The following ZCWPW2 variants were observed in gnomAD, a reference collection of about 807,000 sequenced individuals.
ZCWPW2 encodes zinc finger CW-type PWWP domain protein 2.
In ZCWPW2, 45 loss-of-function variants were observed where a neutral mutation model predicts 46.6. The ratio of observed to expected loss-of-function variants is 0.96; its 90% CI spans 0.76 to 1.24. The LOEUF is 1.24. Ranked by LOEUF, ZCWPW2 falls within the 50% of genes most tolerant of loss-of-function variation. The pLI is 0.00. For missense variants in ZCWPW2, 429 were observed against 403.9 expected, an observed-to-expected ratio of 1.06 and a Z score of -0.53; for synonymous variants, 152 against 137.1, an observed-to-expected ratio of 1.11 and a Z score of -0.76.
At chr3:28,475,601 T>C (rs977743604) in intron 4 of ZCWPW2, among the ~76,000 whole-genome samples, 6 of 152,186 alleles carry the variant, frequency 3.9e-5, no homozygotes, top group Admixed American at 2.6e-4. Flanking sequence ...GATGTGGCCC[T>C]TGTTAATTTT....
At chr3:28,512,411 C>G (rs1390246908) in intron 6 of ZCWPW2, among the ~76,000 whole-genome samples, 1 of 152,048 alleles carries the variant, frequency 6.6e-6, no homozygotes, top group Non-Finnish European at 1.5e-5. Flanking sequence ...TCTCAAATTC[C>G]TCACCTCTGA....
At chr3:28,361,044 GGGTCC>G (rs1559472884) in intron 1 of ZCWPW2, among the ~76,000 whole-genome samples, 3 of 152,010 alleles carry the variant, frequency 2.0e-5, no homozygotes, top group African/African-American at 7.3e-5. Context: ...GTTTAGGCTT[GGGTCC>G]CATCCTCAAG....
chr3:28,504,625 C>G (rs1404634498), intron 6 of ZCWPW2, among the ~76,000 whole-genome samples: 1 of 152,194 alleles, frequency 6.6e-6, no homozygotes, highest in Non-Finnish European at 1.5e-5. Context: ...CACATAGATT[C>G]TAGAAAGTCT....
rs963362 is a variant in ZCWPW2, at chr3:28,525,620, T to C, written c.*932T>C. On this transcript the variant is annotated 3_prime_UTR_variant, in exon 10 of 10. Transcript: ENST00000383768. ...CCACAGCGGTGAATTTTATTGTGAG[T>C]TGCCTCATATTGCTTTAACAAGGAG... 0.41 allele frequency among the ~76,000 whole-genome samples: 62,030 copies of C among 151,904 alleles called. 12,993 individuals are homozygous for C. Among genetic ancestry groups the C allele is most frequent in the East Asian group, 0.65 (3,337 of 5,146 alleles).
intron 1 of ZCWPW2, among the ~76,000 whole-genome samples, chr3:28,377,101 C>A (rs959537477): frequency 1.3e-5 from 2 of 150,630 alleles, no homozygotes; most frequent in African/African-American, 4.9e-5. Context: ...TTAGTGATTT[C>A]TTTAGAGACC....
At chr3:28,430,988 C>G (rs1455658621) in intron 3 of ZCWPW2, among the ~76,000 whole-genome samples, 1 of 152,126 alleles carries the variant, frequency 6.6e-6, no homozygotes, top group African/African-American at 2.4e-5. Flanking sequence ...TGAACTAATA[C>G]AAGTAATAAC....
At chr3:28,452,887 C>T (rs1350441822) in intron 4 of ZCWPW2, among the ~76,000 whole-genome samples, 6 of 152,068 alleles carry the variant, frequency 3.9e-5, no homozygotes, top group Non-Finnish European at 8.8e-5. Flanking sequence ...TAGAAAATTA[C>T]GTGATTTTAA....
At chr3:28,522,231 T>G (rs2125840086) in intron 9 of ZCWPW2, among the ~76,000 whole-genome samples, 1 of 152,300 alleles carries the variant, frequency 6.6e-6, no homozygotes, top group South Asian at 2.1e-4. Context: ...ACCTGCATGT[T>G]GTGCACATGT....
chr3:28,356,819 A>G (rs1704748999), intron 1 of ZCWPW2, among the ~76,000 whole-genome samples: 1 of 152,174 alleles, frequency 6.6e-6, no homozygotes, highest in African/African-American at 2.4e-5. Flanking sequence ...ACACTTGGAC[A>G]CAGGGTAGGG....
In ZCWPW2 at chr3:28,524,602, G is replaced by C; in HGVS notation, c.985G>C (p.Asp329His). The change falls in exon 10 of 10, where the codon GAT becomes CAT. Residue 329 changes from aspartate (D) to histidine (H), a missense_variant. Transcript: ENST00000383768. ...CTATGAAGAGGACTATCTTGTAATT[G>C]ATGGGATAAAATTAAAAGCTGGAGA... ...NHYEEDYLVI[D>H]GIKLKAGECI... 1 of 1,609,268 alleles carries C rather than the reference G, an allele frequency of 6.2e-7. No individual in the cohort carries two copies. Among genetic ancestry groups the C allele is most frequent in the Non-Finnish European group, 8.5e-7 (1 of 1,177,722 alleles).
intron 6 of ZCWPW2, among the ~76,000 whole-genome samples, chr3:28,496,226 A>C (rs1272759661): frequency 6.6e-6 from 1 of 152,088 alleles, no homozygotes; most frequent in South Asian, 2.1e-4. Flanking sequence ...GATATGTAAC[A>C]GGAAATTTGA....
chr3:28,422,994 A>G (rs569698562), intron 3 of ZCWPW2, among the ~76,000 whole-genome samples: 14 of 152,198 alleles, frequency 9.2e-5, no homozygotes, highest in South Asian at 6.2e-4. Flanking sequence ...GCCATCTTGT[A>G]TATCTTCTTT....
chr3:28,352,546 C>T (rs1299981555), intron 1 of ZCWPW2, among the ~76,000 whole-genome samples: 1 of 152,116 alleles, frequency 6.6e-6, no homozygotes, highest in Non-Finnish European at 1.5e-5. Context: ...GAGTAGTTAA[C>T]TCTTTGGCAA....
intron 1 of ZCWPW2, among the ~76,000 whole-genome samples, chr3:28,372,145 T>C (rs1705356854): frequency 6.6e-6 from 1 of 152,152 alleles, no homozygotes; most frequent in Non-Finnish European, 1.5e-5. Flanking sequence ...TTAATTACCT[T>C]GCTAAAATTC....
At chr3:28,448,524 C>T (rs1213504912) in intron 4 of ZCWPW2, among the ~76,000 whole-genome samples, 2 of 151,892 alleles carry the variant, frequency 1.3e-5, no homozygotes, top group African/African-American at 4.8e-5. Context: ...GTGGCTCATG[C>T]CTGTAATCCC....
chr3:28,474,138 A>C (rs926598334), intron 4 of ZCWPW2, among the ~76,000 whole-genome samples: 1 of 152,210 alleles, frequency 6.6e-6, no homozygotes, highest in African/African-American at 2.4e-5. Context: ...GTAACCCATA[A>C]GTATATACAC....
chr3:28,505,857 G>A (rs1033024254), intron 6 of ZCWPW2, among the ~76,000 whole-genome samples: 12 of 151,500 alleles, frequency 7.9e-5, no homozygotes, highest in African/African-American at 1.9e-4. Flanking sequence ...TCACACCCTC[G>A]CATTTAAAAG....
intron 3 of ZCWPW2, among the ~76,000 whole-genome samples, chr3:28,431,037 A>G (rs148236603): frequency 3.9e-5 from 6 of 152,296 alleles, no homozygotes; most frequent in Admixed American, 3.3e-4. Flanking sequence ...TTTATTTTAT[A>G]ACTTTGATAT....
At chr3:28,374,407 A>G (rs1375176785) in intron 1 of ZCWPW2, among the ~76,000 whole-genome samples, 1 of 152,152 alleles carries the variant, frequency 6.6e-6, no homozygotes, top group Non-Finnish European at 1.5e-5. Context: ...TTTTGAACTC[A>G]GGTAATGTGA....
Sources: allele counts gnomAD v4.1 joint callset (sites outside exome capture counted in the v4.1 genomes callset), GRCh38; gene constraint gnomAD v4.1.1; transcripts MANE v1.5; gene names NCBI Gene and HGNC (gene_info 2026-07-23, HGNC 2026-07-21).